The following CXorf58 variants were observed in gnomAD, a reference collection of about 807,000 sequenced individuals.
The protein encoded by CXorf58 is chromosome X open reading frame 58.
In CXorf58, 24 loss-of-function variants were observed where a neutral mutation model predicts 26.0. The ratio of observed to expected loss-of-function variants is 0.92; its 90% CI spans 0.67 to 1.30. CXorf58 has a LOEUF of 1.30. Among genes scored for constraint, CXorf58 ranks in the 50% most tolerant of loss-of-function variants. The pLI, the probability that CXorf58 is intolerant of heterozygous loss-of-function variation, is 0.00. For synonymous variants in CXorf58, 87 were observed against 86.1 expected (o/e 1.01, Z -0.06); for missense variants, 236 against 263.9 (o/e 0.89, Z 0.73).
Position 23,935,256 on chromosome X carries a change from A to G in CXorf58, c.616A>G (p.Lys206Glu). Reference sequence around the variant, plus strand: ...TGGCGGCAGAAATAACAGCTGGCGCAAATTAAATCTTGAAAATATTCCCAG... The same window carrying G: ...TGGCGGCAGAAATAACAGCTGGCGCGAATTAAATCTTGAAAATATTCCCAG... ...FSGGRNNSWR[K>E]LNLENIPRTM... The change falls in exon 7 of 9, where the codon AAA becomes GAA. Residue 206 changes from lysine (K) to glutamate (E), a missense_variant. Transcript: ENST00000379211. 8.3e-7 allele frequency: 1 copy of G among 1,211,388 alleles called. No individual in the cohort carries two copies. The highest frequency in any genetic ancestry group is 1.1e-6 in the Non-Finnish European group (1 of 895,178).
chrX:23,910,979 T>G (rs967461677), intron 2 of CXorf58, among the ~76,000 whole-genome samples: 2 of 110,011 alleles, frequency 1.8e-5, no homozygotes, highest in African/African-American at 6.6e-5. Context: ...TTGGCCAGGC[T>G]GGTCTCGATC....
chrX:23,911,930 A>G, intron 3 of CXorf58, 74 bp downstream of exon 3: 1 of 720,168 alleles, frequency 1.4e-6, no homozygotes, highest in East Asian at 3.4e-5. Context: ...TAAAGATCGA[A>G]TAGATAACCT....
At chrX:23,915,373 C>T (rs1407022493) in intron 3 of CXorf58, among the ~76,000 whole-genome samples, 1 of 111,708 alleles carries the variant, frequency 9.0e-6, no homozygotes, top group Non-Finnish European at 1.9e-5. Context: ...AGCCACCATC[C>T]CTACCTTCAT....
chrX:23,938,323 A>G (rs1928345985), intron 7 of CXorf58, among the ~76,000 whole-genome samples: 1 of 111,822 alleles, frequency 8.9e-6, no homozygotes, highest in Non-Finnish European at 1.9e-5. Flanking sequence ...TGCTGTCAAT[A>G]TCATCACCTG....
chrX:23,919,302 T>C (rs1438342531), intron 5 of CXorf58, among the ~76,000 whole-genome samples: 3 of 111,998 alleles, frequency 2.7e-5, no homozygotes, highest in African/African-American at 6.5e-5. Context: ...TATTTTCAAA[T>C]AGCCTATCTT....
intron 5 of CXorf58, 88 bp downstream of exon 5, chrX:23,916,416 G>A (rs1369559819): frequency 4.3e-6 from 2 of 466,050 alleles, no homozygotes; most frequent in Non-Finnish European, 6.7e-6. Flanking sequence ...TACAGAATAA[G>A]TTATTTCACC....
At chrX:23,937,559 G>A (rs938701218) in intron 7 of CXorf58, among the ~76,000 whole-genome samples, 6 of 108,716 alleles carry the variant, frequency 5.5e-5, no homozygotes, top group Non-Finnish European at 1.1e-4. Context: ...CTGAGTAGCT[G>A]GGATTACAGG....
chrX:23,933,933 G>A (rs890238348), intron 6 of CXorf58, among the ~76,000 whole-genome samples: 4 of 108,018 alleles, frequency 3.7e-5, no homozygotes, highest in Non-Finnish European at 7.7e-5. Flanking sequence ...TGTAGTCCCA[G>A]CTACTCAGGA....
intron 6 of CXorf58, among the ~76,000 whole-genome samples, chrX:23,932,052 A>G (rs1928177319): frequency 8.9e-6 from 1 of 112,375 alleles, no homozygotes; most frequent in Non-Finnish European, 1.9e-5. Flanking sequence ...GTGAACCTCA[A>G]TAAAGCTGTG....
At chrX:23,924,242 A>G (rs1927942654) in intron 5 of CXorf58, among the ~76,000 whole-genome samples, 1 of 111,252 alleles carries the variant, frequency 9.0e-6, no homozygotes, top group Non-Finnish European at 1.9e-5. Context: ...TTAGAACCAT[A>G]AAATGTTGGA....
Position 23,935,198 on chromosome X carries a change from T to C in CXorf58, c.558T>C (p.Tyr186=). 1.7e-6 allele frequency: 2 copies of C among 1,202,348 alleles called. No homozygotes were observed. The highest frequency in any genetic ancestry group is 2.3e-6 in the Non-Finnish European group (2 of 887,410). ...DVVTMQDYVQ[Y]RSFFDEAPAF... ...TCGTTCTTGTTTTTTCCCTACAGTA[T>C]CGCAGTTTTTTCGATGAGGCCCCTG... The change falls in exon 7 of 9, where the codon TAT becomes TAC. Residue 186 remains tyrosine, a splice_region_variant and synonymous_variant. Coordinates refer to ENST00000379211, the MANE Select transcript of CXorf58 (RefSeq NM_152761.3).
chrX:23,920,820 G>A (rs1056578105), intron 5 of CXorf58, among the ~76,000 whole-genome samples: 1 of 106,570 alleles, frequency 9.4e-6, no homozygotes, highest in African/African-American at 3.4e-5. Flanking sequence ...GAACCCAGGA[G>A]GCAGAGGTTG....
intron 6 of CXorf58, among the ~76,000 whole-genome samples, chrX:23,930,785 G>GA: frequency 9.0e-6 from 1 of 111,187 alleles, no homozygotes; most frequent in East Asian, 2.8e-4. Flanking sequence ...GTGGAGATGG[G>GA]ATCTTGCTAT....
chrX:23,937,943 T>C (rs1412219190), intron 7 of CXorf58, among the ~76,000 whole-genome samples: 1 of 108,999 alleles, frequency 9.2e-6, no homozygotes, highest in Admixed American at 9.8e-5. Flanking sequence ...TGGAGTGCAG[T>C]GGCACAATCT....
chrX:23,936,898 C>T (rs1456318174), intron 7 of CXorf58, among the ~76,000 whole-genome samples: 4 of 112,027 alleles, frequency 3.6e-5, no homozygotes, highest in East Asian at 2.8e-4. Flanking sequence ...CCTATTACCA[C>T]CAAGGTCAAA....
At chrX:23,937,422 T>A (rs941854060) in intron 7 of CXorf58, among the ~76,000 whole-genome samples, 5 of 97,642 alleles carry the variant, frequency 5.1e-5, no homozygotes, top group Non-Finnish European at 1.0e-4. Flanking sequence ...CTTTTTTTTC[T>A]TTTCTTTTTT....
At chrX:23,938,888 G>A (rs1360237353) in intron 8 of CXorf58, among the ~76,000 whole-genome samples, 188 bp downstream of exon 8, 1 of 111,436 alleles carries the variant, frequency 9.0e-6, no homozygotes, top group East Asian at 2.8e-4. Context: ...TCTTAATATT[G>A]GTGGCAATTC....
Position 23,934,471 on chromosome X carries a change from G to C in CXorf58, c.556-725G>C, listed in dbSNP as rs1254639677. ...GCTGGAGTGCAGTGGTGCAGTCTTG[G>C]CTCACTGCAACTGCTGCCTCTTGGG... On this transcript the variant is annotated intron_variant, in intron 6 of 8. Coordinates refer to ENST00000379211, the MANE Select transcript of CXorf58 (RefSeq NM_152761.3). Among the ~76,000 whole-genome samples, 3 of 111,578 alleles carry C rather than the reference G, an allele frequency of 2.7e-5. No individual in the cohort carries two copies. The East Asian group carries it at 8.4e-4, about 31-fold the overall frequency.
rs781045415 is a variant in CXorf58, at chrX:23,935,934, G to A, written c.785+509G>A. On this transcript the variant is annotated intron_variant, in intron 7 of 8. Transcript: ENST00000379211. ...ATTACAGGTGCCCACCACCATGCCC[G>A]GCTAATTTTTGTATTTTTAGTAGAG... Among the ~76,000 whole-genome samples, 24 of 110,763 alleles carry A rather than the reference G, an allele frequency of 2.2e-4. No individual in the cohort carries two copies. The South Asian group carries it at 8.6e-3, about 40-fold the overall frequency.
Sources: allele counts gnomAD v4.1 joint callset (sites outside exome capture counted in the v4.1 genomes callset), GRCh38; gene constraint gnomAD v4.1.1; transcripts MANE v1.5; gene names NCBI Gene and HGNC (gene_info 2026-07-23, HGNC 2026-07-21).